ITGA9: variants seen among roughly 807,000 people sequenced by gnomAD.
ITGA9 encodes integrin subunit alpha 9.
In ITGA9, 56 loss-of-function variants were observed where a neutral mutation model predicts 127.8. The observed-to-expected ratio is 0.44, with a 90% CI of 0.35 to 0.55. ITGA9 has a LOEUF of 0.55. Ranked by LOEUF, ITGA9 falls within the 20% of genes least tolerant of loss-of-function variation. The pLI is 0.00. For missense variants in ITGA9, 1,196 were observed against 1,347.1 expected, an observed-to-expected ratio of 0.89 and a Z score of 1.76; for synonymous variants, 508 against 514.5, an observed-to-expected ratio of 0.99 and a Z score of 0.17.
chr3:37,637,159 A>G (rs113520526), intron 16 of ITGA9, among the ~76,000 whole-genome samples: 13,057 of 151,274 alleles, frequency 0.086, 691 homozygotes, highest in East Asian at 0.15. Context: ...GTTTTTTCCA[A>G]TTCTGTGAAG....
chr3:37,775,286 C>A (rs572084133), intron 23 of ITGA9, among the ~76,000 whole-genome samples: 46 of 152,270 alleles, frequency 3.0e-4, no homozygotes, highest in African/African-American at 1.1e-3. Context: ...CTGGTCATTA[C>A]AGAAATGCAA....
At chr3:37,557,377 G>T (rs1382885996) in intron 15 of ITGA9, among the ~76,000 whole-genome samples, 1 of 152,184 alleles carries the variant, frequency 6.6e-6, no homozygotes, top group African/African-American at 2.4e-5. Flanking sequence ...AGTACGCTGT[G>T]TGCGGCAGAA....
rs1274508179 is a variant in ITGA9 at position 37,518,654 on chromosome 3, G to A, written c.1142-606G>A. Reference sequence around the variant, plus strand: ...TTCTCCCTGATGGAAATTATGGCACGTAGTTTATATTTGCATTTCTTTTAT... The same window carrying A: ...TTCTCCCTGATGGAAATTATGGCACATAGTTTATATTTGCATTTCTTTTAT... On this transcript the variant is annotated intron_variant, in intron 10 of 27. Transcript: ENST00000264741. 7.9e-5 allele frequency among the ~76,000 whole-genome samples: 12 copies of A among 151,664 alleles called. No homozygotes were observed. The East Asian group carries it at 1.9e-3, about 24-fold the overall frequency.
chr3:37,481,067 T>C (rs1307795612), intron 3 of ITGA9, among the ~76,000 whole-genome samples: 1 of 152,198 alleles, frequency 6.6e-6, no homozygotes, highest in African/African-American at 2.4e-5. Flanking sequence ...TTTCTTTCTC[T>C]TGAGCCTCTG....
intron 26 of ITGA9, among the ~76,000 whole-genome samples, chr3:37,795,274 G>A (rs1482882086): frequency 6.6e-6 from 1 of 152,212 alleles, no homozygotes; most frequent in Non-Finnish European, 1.5e-5. Flanking sequence ...TCCAGCAGAA[G>A]CCTGGGTGAG....
chr3:37,786,418 C>T (rs1037640536), intron 26 of ITGA9, among the ~76,000 whole-genome samples: 1 of 152,018 alleles, frequency 6.6e-6, no homozygotes, highest in East Asian at 1.9e-4. Context: ...CATGGCGAAA[C>T]GCTGTCTCTA....
intron 23 of ITGA9, among the ~76,000 whole-genome samples, chr3:37,765,278 A>G (rs1696767545): frequency 6.6e-6 from 1 of 152,092 alleles, no homozygotes; most frequent in Non-Finnish European, 1.5e-5. Flanking sequence ...CCTTAATTTC[A>G]ATGTGAGAAT....
chr3:37,473,230 T>A, intron 2 of ITGA9, 124 bp from the exon 3 acceptor site: 1 of 697,404 alleles, frequency 1.4e-6, no homozygotes, highest in Non-Finnish European at 2.7e-6. Flanking sequence ...TACATAGTGA[T>A]GGAGTTGATT....
intron 5 of ITGA9, among the ~76,000 whole-genome samples, chr3:37,495,777 C>T (rs1013623868): frequency 6.6e-6 from 1 of 152,230 alleles, no homozygotes; most frequent in African/African-American, 2.4e-5. Flanking sequence ...CAGTGTTGTG[C>T]ACCCATCACC....
chr3:37,644,875 G>C (rs1221786284), intron 16 of ITGA9, among the ~76,000 whole-genome samples: 1 of 152,162 alleles, frequency 6.6e-6, no homozygotes, highest in East Asian at 1.9e-4. Flanking sequence ...GGATATGAAT[G>C]TTTTAGAAAG....
rs750704890 is a variant in ITGA9, at chr3:37,519,227, C to CT, written c.1142-28dup. 19 of 1,549,186 alleles carry CT rather than the reference C, an allele frequency of 1.2e-5. No individual in the cohort carries two copies. In the South Asian group the frequency reaches 1.9e-4, roughly 16 times the overall value. ...AGCTGCACTTGTATTATTAATGTGG[C>CT]TTTTTAACCCATAGCTGTTTTTTTA... On this transcript the variant is annotated intron_variant, in intron 10 of 27. Transcript: ENST00000264741.
At chr3:37,803,723 G>T in intron 26 of ITGA9, 100 bp from the exon 27 acceptor site, 8 of 1,402,726 alleles carry the variant, frequency 5.7e-6, no homozygotes, top group South Asian at 1.2e-5. Flanking sequence ...GCAGTGAGCC[G>T]AGATTGTGCC....
At chr3:37,657,255 A>G (rs1041540415) in intron 17 of ITGA9, among the ~76,000 whole-genome samples, 3 of 152,250 alleles carry the variant, frequency 2.0e-5, no homozygotes, top group Non-Finnish European at 2.9e-5. Context: ...GAATAGTTTC[A>G]GAAGGAATGA....
intron 15 of ITGA9, among the ~76,000 whole-genome samples, chr3:37,590,722 GC>G (rs1209660466): frequency 6.6e-6 from 1 of 152,154 alleles, no homozygotes; most frequent in Admixed American, 6.5e-5. Context: ...CTGTGGGTGG[GC>G]CCTAGTGGGG....
intron 1 of ITGA9, among the ~76,000 whole-genome samples, chr3:37,469,254 C>G (rs1559513738): frequency 6.6e-6 from 1 of 152,296 alleles, no homozygotes; most frequent in Admixed American, 6.5e-5. Flanking sequence ...ATGGAGGATA[C>G]AGAGGTTCAT....
At chr3:37,533,012 A>C (rs1044611556) in intron 13 of ITGA9, among the ~76,000 whole-genome samples, 11 of 152,154 alleles carry the variant, frequency 7.2e-5, no homozygotes, top group Admixed American at 2.0e-4. Context: ...TAATTGGTAA[A>C]ATTTTAAATA....
At chr3:37,690,385 C>T (rs528555530) in intron 18 of ITGA9, among the ~76,000 whole-genome samples, 1 of 152,168 alleles carries the variant, frequency 6.6e-6, no homozygotes, top group Non-Finnish European at 1.5e-5. Flanking sequence ...CCTGTCAGGA[C>T]TTTACCACTC....
intron 15 of ITGA9, among the ~76,000 whole-genome samples, chr3:37,562,721 T>G (rs1699506098): frequency 6.6e-6 from 1 of 152,190 alleles, no homozygotes; most frequent in South Asian, 2.1e-4. Context: ...ATTCCATAGC[T>G]CTCCTGAATC....
rs1016194068 is a variant in ITGA9, at chr3:37,452,208, T to C, written c.-167T>C. The C allele has an allele frequency of 8.1e-5, 15 of 185,456 alleles. No individual in the cohort carries two copies. Among genetic ancestry groups the C allele is most frequent in the Non-Finnish European group, 1.2e-4 (12 of 99,998 alleles). 11.5% of individuals were successfully genotyped at this position (185,456 alleles called of 1,614,324 possible). A position where few individuals can be genotyped will look rare whatever the true frequency, so the allele number is the denominator to read the frequency against. ...CCCTGTGCTCGCCTTCAGCGCCCGC[T>C]CAGCCCGCCGTCCGCGCCCCGGTGG... is the stretch of plus-strand genomic sequence containing the variant. On this transcript the variant is annotated 5_prime_UTR_variant, in exon 1 of 28. Transcript: ENST00000264741. This position sits in a 1 kb window ranked among gnomAD's most constrained non-coding sequence, Gnocchi z 7.3.
Sources: allele counts gnomAD v4.1 joint callset (sites outside exome capture counted in the v4.1 genomes callset), GRCh38; gene constraint gnomAD v4.1.1; non-coding constraint Gnocchi (gnomAD v3.1); transcripts MANE v1.5; gene names NCBI Gene and HGNC (gene_info 2026-07-23, HGNC 2026-07-21).